Variants in NKIRAS1 observed in about 807,000 individuals in gnomAD.
The protein encoded by NKIRAS1 is NF-kappa-B inhibitor-interacting Ras-like protein 1.
NKIRAS1 carries 16 observed loss-of-function variants against 19.8 expected under a neutral mutation model. The ratio of observed to expected loss-of-function variants is 0.81; its 90% confidence interval spans 0.55 to 1.23. NKIRAS1 has a LOEUF of 1.23. Among genes scored for constraint, NKIRAS1 ranks in the 50% most tolerant of loss-of-function variants. The probability of loss-of-function intolerance (pLI) is 0.00; values close to 1 mark genes in which losing one functional copy is unlikely to be tolerated. For synonymous variants in NKIRAS1, 88 were observed against 79.0 expected, an observed-to-expected ratio of 1.11 and a Z score of -0.61; for missense variants, 184 against 220.0, an observed-to-expected ratio of 0.84 and a Z score of 1.04.
chr3:23,923,219 CATT>C (rs1705145048), intron 1 of NKIRAS1: 1 of 97,298 alleles, frequency 1.0e-5, no homozygotes, highest in African/African-American at 5.2e-5. Flanking sequence ...TGAGGAACTT[CATT>C]TTTTTTTTTT....
At chr3:23,918,642 C>A, upstream of NKIRAS1, 1 of 1,551,996 alleles carries the variant, frequency 6.4e-7, no homozygotes, top group Non-Finnish European at 8.7e-7. Flanking sequence ...AGAGATTAAG[C>A]AACTTTTCTG....
chr3:23,928,721 G>T (rs1705253543), intron 1 of NKIRAS1, among the ~76,000 whole-genome samples: 1 of 149,212 alleles, frequency 6.7e-6, no homozygotes, highest in South Asian at 2.1e-4. Context: ...GCCGGGCGCT[G>T]TGACTCACAC....
chr3:23,925,205 G>A (rs1020256415), intron 1 of NKIRAS1, among the ~76,000 whole-genome samples: 4 of 152,178 alleles, frequency 2.6e-5, no homozygotes, highest in Admixed American at 2.6e-4. Flanking sequence ...TTTAGTCTTT[G>A]TACCCATTTG....
At chr3:23,941,624 A>C (rs1042650596) in intron 1 of NKIRAS1, among the ~76,000 whole-genome samples, 1 of 152,124 alleles carries the variant, frequency 6.6e-6, no homozygotes, top group African/African-American at 2.4e-5. Context: ...GGCAATTTCC[A>C]CCGCAGCTAC....
chr3:23,921,699 C>G, upstream of NKIRAS1: 1 of 657,294 alleles, frequency 1.5e-6, no homozygotes, highest in Non-Finnish European at 2.7e-6. Context: ...CTCGGCCTCC[C>G]AAATAGCCAG....
chr3:23,914,465 G>A (rs552928584), intron 1 of NKIRAS1, among the ~76,000 whole-genome samples: 9 of 152,282 alleles, frequency 5.9e-5, no homozygotes, highest in Non-Finnish European at 1.2e-4. Context: ...TCAACATTAT[G>A]TATAGTGTGG....
chr3:23,901,296 A>G (rs1026622725), intron 3 of NKIRAS1, among the ~76,000 whole-genome samples: 26 of 150,440 alleles, frequency 1.7e-4, no homozygotes, highest in African/African-American at 5.6e-4. Context: ...CTCCCACCTC[A>G]GCCTCCCAAG....
At chr3:23,934,491 G>A (rs1479379221) in intron 1 of NKIRAS1, among the ~76,000 whole-genome samples, 2 of 152,278 alleles carry the variant, frequency 1.3e-5, no homozygotes, top group East Asian at 1.9e-4. Flanking sequence ...CAGTTCCTCT[G>A]GCTATTCTGC....
intron 4 of NKIRAS1, among the ~76,000 whole-genome samples, chr3:23,897,123 G>A (rs1256039987): frequency 1.3e-5 from 2 of 152,020 alleles, no homozygotes; most frequent in African/African-American, 4.8e-5. Flanking sequence ...GAGGCAGGAG[G>A]TCACTGGAGC....
At chr3:23,945,662 G>C (rs561866720) in intron 1 of NKIRAS1, 9 of 1,082,072 alleles carry the variant, frequency 8.3e-6, no homozygotes, top group African/African-American at 1.7e-5. Flanking sequence ...GGGCACTTTG[G>C]GGGGCGGCGG....
At chr3:23,904,137 C>T (rs573378040) in intron 3 of NKIRAS1, among the ~76,000 whole-genome samples, 42 of 152,186 alleles carry the variant, frequency 2.8e-4, no homozygotes, top group Admixed American at 5.2e-4. Flanking sequence ...TGCACTCCAA[C>T]CCGAGTAAAA....
In NKIRAS1 at chr3:23,890,676, C is replaced by T. The variant is rs1701390092; in HGVS notation, c.*2419G>A. 10 of 1,144,498 alleles carry T rather than the reference C, an allele frequency of 8.7e-6. No individual in the cohort carries two copies. The South Asian group carries it at 1.4e-4, about 16-fold the overall frequency. The allele number at this position is 1,144,498 out of a possible 1,614,324, so 70.9% of individuals were successfully genotyped here. ...GAGCTGCTTATGATTTTGAAGGGGT[C>T]AGGGAGGGTGGGAGTTGGTAAAGAG... On this transcript the variant is annotated 3_prime_UTR_variant, in exon 5 of 5. Coordinates refer to ENST00000425478, the MANE Select transcript of NKIRAS1 (RefSeq NM_020345.4).
At chr3:23,944,801 A>C (rs1394989670) in intron 1 of NKIRAS1, among the ~76,000 whole-genome samples, 1 of 135,752 alleles carries the variant, frequency 7.4e-6, no homozygotes, top group Non-Finnish European at 1.6e-5. Context: ...CTGTGCCCTC[A>C]GAGACCAGCG....
At chr3:23,920,264 TA>T (rs1344942019), upstream of NKIRAS1, 3 of 985,616 alleles carry the variant, frequency 3.0e-6, no homozygotes, top group Non-Finnish European at 3.6e-6. Context: ...TCAGTCACAT[TA>T]GGGGGAAAGT....
rs775691681 is a variant in NKIRAS1 at position 23,890,545 on chromosome 3, T to C, written c.*2550A>G. 1 of 1,613,834 alleles carries C rather than the reference T, an allele frequency of 6.2e-7. No homozygotes were observed. Among genetic ancestry groups the C allele is most frequent in the Non-Finnish European group, 8.5e-7 (1 of 1,179,884 alleles). ...GTGGGAAGTATTGCCACTCAGTATA[T>C]GACCAACAGAGCAGAACATGACAGA... is the stretch of plus-strand genomic sequence containing the variant. On this transcript the variant is annotated 3_prime_UTR_variant, in exon 5 of 5. Coordinates refer to ENST00000425478, the MANE Select transcript of NKIRAS1 (RefSeq NM_020345.4).
upstream of NKIRAS1, chr3:23,918,511 G>A (rs1176899362): frequency 2.5e-6 from 4 of 1,613,746 alleles, no homozygotes; most frequent in Admixed American, 1.7e-5. Flanking sequence ...TGCAACTTAC[G>A]GCAAGCCTGT....
exon 1 of NKIRAS1, chr3:23,946,465 C>T (rs945897144): frequency 1.3e-4 from 28 of 209,892 alleles, no homozygotes; most frequent in African/African-American, 2.6e-4. Context: ...TCCCCGCAGA[C>T]TGGGTAGCAC....
upstream of NKIRAS1, chr3:23,917,817 G>T: frequency 6.4e-7 from 1 of 1,571,468 alleles, no homozygotes; most frequent in Non-Finnish European, 8.6e-7. Context: ...TACTTAAAGC[G>T]GATGATATTT....
chr3:23,945,611 G>T, intron 1 of NKIRAS1: 1 of 1,177,658 alleles, frequency 8.5e-7, no homozygotes. Flanking sequence ...ACCGGACTGC[G>T]GCGGGTGGGG....
Sources: gnomAD v4.1 joint callset for allele counts (sites outside exome capture counted in the v4.1 genomes callset) on GRCh38, gnomAD v4.1.1 for gene constraint, MANE v1.5 for transcripts, NCBI Gene and HGNC (gene_info 2026-07-23, HGNC 2026-07-21) for gene names.